DPYSL3: variants seen among roughly 807,000 people sequenced by gnomAD.
DPYSL3 encodes dihydropyrimidinase like 3, also known as dihydropyrimidinase-related protein 3.
DPYSL3 carries 16 observed loss-of-function variants against 66.1 expected under a neutral mutation model. That is an observed-to-expected ratio of 0.24 (90% CI 0.16 to 0.37). The LOEUF (loss-of-function observed/expected upper bound fraction) is 0.37. Among genes scored for constraint, DPYSL3 ranks in the 10% least tolerant of loss-of-function variants. The pLI, the probability that DPYSL3 is intolerant of heterozygous loss-of-function variation, is 1.00. For missense variants in DPYSL3, 738 were observed against 916.2 expected (o/e 0.81, Z 2.51); for synonymous variants, 338 against 345.1 (o/e 0.98, Z 0.23).
At chr5:147,460,859 T>C (rs1561796425) in intron 1 of DPYSL3, among the ~76,000 whole-genome samples, 1 of 152,190 alleles carries the variant, frequency 6.6e-6, no homozygotes, top group Non-Finnish European at 1.5e-5. Context: ...TGCAACGCCA[T>C]GCCTAAGGTA....
chr5:147,443,756 G>A (rs1474960004), intron 1 of DPYSL3, among the ~76,000 whole-genome samples: 2 of 152,056 alleles, frequency 1.3e-5, no homozygotes, highest in Admixed American at 6.6e-5. Flanking sequence ...TGAGAAGGTG[G>A]CATTTAAATT....
chr5:147,470,053 A>G (rs2126422061), intron 1 of DPYSL3, among the ~76,000 whole-genome samples: 1 of 152,314 alleles, frequency 6.6e-6, no homozygotes, highest in East Asian at 1.9e-4. Context: ...ACCCACATGC[A>G]ATGATACTGA....
intron 7 of DPYSL3, among the ~76,000 whole-genome samples, chr5:147,407,704 G>A (rs1254665858): frequency 6.6e-6 from 1 of 152,094 alleles, no homozygotes; most frequent in East Asian, 1.9e-4. Context: ...TTCCATAGAA[G>A]TGACCTAGTA....
chr5:147,493,754 G>C (rs750832504), intron 1 of DPYSL3, among the ~76,000 whole-genome samples: 1 of 152,130 alleles, frequency 6.6e-6, no homozygotes, highest in Non-Finnish European at 1.5e-5. Context: ...TGTTCAACAA[G>C]AGAAGTAACA....
At chr5:147,430,509 C>CAA (rs555965885) in intron 1 of DPYSL3, among the ~76,000 whole-genome samples, 8 of 39,766 alleles carry the variant, frequency 2.0e-4, no homozygotes, top group Admixed American at 2.7e-4. Flanking sequence ...GACTCGGTCT[C>CAA]AAAAAAAAAA....
chr5:147,473,223 A>C (rs1753109960), intron 1 of DPYSL3: 1 of 152,172 alleles, frequency 6.6e-6, no homozygotes, highest in Non-Finnish European at 1.5e-5. Context: ...GAGAGGGCTC[A>C]TTGTGATTTT....
chr5:147,439,738 T>C (rs181789758), intron 1 of DPYSL3, among the ~76,000 whole-genome samples: 4 of 152,006 alleles, frequency 2.6e-5, no homozygotes, highest in African/African-American at 7.2e-5. Context: ...TGAAAAATGG[T>C]GAGAAGTGGT....
chr5:147,414,409 T>C (rs1751919856), intron 4 of DPYSL3, among the ~76,000 whole-genome samples: 1 of 152,104 alleles, frequency 6.6e-6, no homozygotes, highest in Admixed American at 6.5e-5. Context: ...TTTACAGAAA[T>C]AGGTGGGACT....
intron 1 of DPYSL3, among the ~76,000 whole-genome samples, chr5:147,428,296 A>G (rs553842246): frequency 2.0e-5 from 3 of 152,118 alleles, no homozygotes; most frequent in Non-Finnish European, 4.4e-5. Context: ...GCAGAGCAAA[A>G]ATATCAAAAC....
chr5:147,395,652 T>G lies in DPYSL3; in HGVS notation c.1873A>C (p.Lys625Gln). ...GCAGAGCCTGCGGGGGTGCCACCTT[T>G]GGGGGTGGTGGTCAGGTCAAACACA... is the stretch of plus-strand genomic sequence containing the variant. ...GPVFDLTTTP[K>Q]GGTPAGSARG... The change falls in exon 13 of 14, where the codon AAA (lysine) becomes CAA (glutamine). Residue 625 changes from lysine to glutamine, a missense_variant. Transcript: ENST00000343218. 1 of 1,614,006 alleles carries G rather than the reference T, an allele frequency of 6.2e-7. No individual in the cohort carries two copies.
intron 1 of DPYSL3, chr5:147,473,156 A>C (rs1251449925): frequency 2.0e-5 from 3 of 152,228 alleles, no homozygotes; most frequent in African/African-American, 7.2e-5. Flanking sequence ...AGGGCACTTA[A>C]AGTCCTGAGA....
chr5:147,420,042 C>G (rs1752048490), intron 2 of DPYSL3, among the ~76,000 whole-genome samples: 1 of 152,176 alleles, frequency 6.6e-6, no homozygotes, highest in South Asian at 2.1e-4. Flanking sequence ...CGTCACTGCT[C>G]CACCAACGAA....
At chr5:147,410,302 A>G (rs1581178389) in intron 6 of DPYSL3, among the ~76,000 whole-genome samples, 3 of 152,134 alleles carry the variant, frequency 2.0e-5, no homozygotes, top group Non-Finnish European at 4.4e-5. Flanking sequence ...TTTTCAAAAT[A>G]CACTTGCCTG....
intron 7 of DPYSL3, among the ~76,000 whole-genome samples, chr5:147,406,666 C>G (rs1758330632): frequency 6.6e-6 from 1 of 152,196 alleles, no homozygotes; most frequent in Non-Finnish European, 1.5e-5. Context: ...CTGTGTTACT[C>G]TCAAGTGGTC....
intron 10 of DPYSL3, among the ~76,000 whole-genome samples, chr5:147,400,131 C>A (rs933229247): frequency 1.6e-4 from 25 of 152,164 alleles, no homozygotes; most frequent in African/African-American, 2.2e-4. Flanking sequence ...TTACTAAAAT[C>A]TTTGAAAGAG....
rs566382670 is a variant in DPYSL3 at position 147,431,613 on chromosome 5, A to G, written c.382-6650T>C. Among the ~76,000 whole-genome samples, 10 of 152,268 alleles carry G rather than the reference A, an allele frequency of 6.6e-5. No individual in the cohort carries two copies. The South Asian group carries it at 2.1e-3, about 32-fold the overall frequency. ...AAAACTCCTCTCTCACAAATACTCA[A>G]GAAGGACTGAACTAACACTTTGTTA... On this transcript the variant is annotated intron_variant, in intron 1 of 13. Transcript: ENST00000343218.
chr5:147,392,313 C>T lies in DPYSL3; in HGVS notation c.*1722G>A, dbSNP rs568629561. 1 of 152,340 alleles carries T rather than the reference C, an allele frequency of 6.6e-6. No individual in the cohort carries two copies. Among genetic ancestry groups the T allele is most frequent in the Non-Finnish European group, 1.5e-5 (1 of 68,036 alleles). The allele number at this position is 152,340 out of a possible 1,614,324, so 9.4% of individuals were successfully genotyped here. ...TTTTCATGATTTGAACAGAAGGTAG[C>T]TTGCTAGGGGAAATCCTGTTCCTTG... On this transcript the variant is annotated 3_prime_UTR_variant, in exon 14 of 14. Coordinates refer to ENST00000343218, the MANE Select transcript of DPYSL3 (RefSeq NM_001197294.2).
chr5:147,452,009 T>C (rs1260527640), intron 1 of DPYSL3, among the ~76,000 whole-genome samples: 1 of 152,134 alleles, frequency 6.6e-6, no homozygotes, highest in Non-Finnish European at 1.5e-5. Context: ...CCAAAGCCTC[T>C]ACCAGGCAAA....
rs1033604462 is a variant in DPYSL3, at chr5:147,412,502, T to C, written c.963+106A>G. The C allele has an allele frequency of 4.4e-5, 50 of 1,134,446 alleles. No individual in the cohort carries two copies. The African/African-American group carries it at 6.9e-4, about 16-fold the overall frequency. The allele number at this position is 1,134,446 out of a possible 1,614,324, so 70.3% of individuals were successfully genotyped here. On this transcript the variant is annotated intron_variant, in intron 6 of 13. Coordinates refer to ENST00000343218, the MANE Select transcript of DPYSL3 (RefSeq NM_001197294.2). ...CAGGTTCTGTCTTTAGCAAGGTACT[T>C]ATGATGGTGCCTTGCACATATTGAG...
Sources: allele counts gnomAD v4.1 joint callset (sites outside exome capture counted in the v4.1 genomes callset), GRCh38; gene constraint gnomAD v4.1.1; transcripts MANE v1.5; gene names NCBI Gene and HGNC (gene_info 2026-07-23, HGNC 2026-07-21).